RXRA: variants seen among roughly 807,000 people sequenced by gnomAD.
The protein encoded by RXRA is retinoic acid receptor RXR-alpha.
In RXRA, 5 loss-of-function variants were observed where a neutral mutation model predicts 44.5. The ratio of observed to expected loss-of-function variants is 0.11; its 90% CI spans 0.06 to 0.24. The LOEUF (loss-of-function observed/expected upper bound fraction) is 0.24, where lower values mean the gene tolerates loss of function less well. RXRA is among the 10% of genes least tolerant of loss of function. The pLI, the probability that RXRA is intolerant of heterozygous loss-of-function variation, is 1.00. For missense variants in RXRA, 412 were observed against 646.5 expected, an observed-to-expected ratio of 0.64 and a Z score of 3.93; for synonymous variants, 291 against 271.4, an observed-to-expected ratio of 1.07 and a Z score of -0.71.
At chr9:134,411,712 C>T (rs1831151412) in intron 4 of RXRA, among the ~76,000 whole-genome samples, 1 of 152,248 alleles carries the variant, frequency 6.6e-6, no homozygotes, top group African/African-American at 2.4e-5. Flanking sequence ...GCCGAGCGCT[C>T]TCGCCCCAAA....
At chr9:134,356,130 C>T (rs1404498980) in intron 1 of RXRA, among the ~76,000 whole-genome samples, 8 of 152,194 alleles carry the variant, frequency 5.3e-5, no homozygotes, top group Non-Finnish European at 1.2e-4. Context: ...CTGGCATGTC[C>T]TTCCCTCCTG....
intron 5 of RXRA, among the ~76,000 whole-genome samples, chr9:134,418,112 TCCTAC>T (rs1831270933): frequency 6.6e-6 from 1 of 152,086 alleles, no homozygotes; most frequent in South Asian, 2.1e-4. Context: ...TCTGAGCCCC[TCCTAC>T]CCTACCCTAA....
chr9:134,354,596 C>T (rs1340648732), intron 1 of RXRA, among the ~76,000 whole-genome samples: 2 of 152,340 alleles, frequency 1.3e-5, no homozygotes, highest in Middle Eastern at 3.4e-3. Flanking sequence ...TGCCTGGGCA[C>T]CAGGGCTCCC....
intron 1 of RXRA, among the ~76,000 whole-genome samples, chr9:134,384,687 C>A (rs558445792): frequency 6.6e-6 from 1 of 152,270 alleles, no homozygotes; most frequent in African/African-American, 2.4e-5. Context: ...GGCCGTCACC[C>A]GGTCGGCCTG....
chr9:134,368,894 T>TTG (rs1473131854), intron 1 of RXRA, among the ~76,000 whole-genome samples: 2 of 64,410 alleles, frequency 3.1e-5, no homozygotes, highest in Admixed American at 1.8e-4. Context: ...AGTGCAGGGG[T>TTG]TATGTGTGTG....
intron 1 of RXRA, among the ~76,000 whole-genome samples, chr9:134,400,219 C>T (rs570332643): frequency 6.6e-6 from 1 of 152,194 alleles, no homozygotes; most frequent in Admixed American, 6.5e-5. Context: ...CCCAGGGCTT[C>T]CTCCCGCTCT....
At chr9:134,418,557 C>T (rs757193058) in intron 5 of RXRA, among the ~76,000 whole-genome samples, 6 of 152,208 alleles carry the variant, frequency 3.9e-5, no homozygotes, top group South Asian at 2.1e-4. Flanking sequence ...CCAGGGCCTT[C>T]GTGCTTGCAG....
At chr9:134,337,442 C>T (rs1430753158) in intron 1 of RXRA, among the ~76,000 whole-genome samples, 1 of 152,200 alleles carries the variant, frequency 6.6e-6, no homozygotes, top group African/African-American at 2.4e-5. Context: ...TGGGATGGAC[C>T]CCAGTGCTGC....
In RXRA at chr9:134,426,064, A is replaced by G. The variant is rs1465541558; in HGVS notation, c.911-3044A>G. ...AGGCCCTGAGCGTTTGGGCAGGGCC[A>G]CGAGGGATCTGCAGGAGTAAGTTCC... On this transcript the variant is annotated intron_variant, in intron 6 of 9. Transcript: ENST00000481739. This position sits in a 1 kb window ranked among gnomAD's most constrained non-coding sequence, Gnocchi z 4.6. 2.0e-6 allele frequency: 2 copies of G among 985,300 alleles called. No individual in the cohort carries two copies. Among genetic ancestry groups the G allele is most frequent in the African/African-American group, 3.5e-5 (2 of 57,230 alleles). The allele number at this position is 985,300 out of a possible 1,614,324, so 61.0% of individuals were successfully genotyped here.
At chr9:134,388,434 C>T (rs982298767) in intron 1 of RXRA, among the ~76,000 whole-genome samples, 1 of 152,188 alleles carries the variant, frequency 6.6e-6, no homozygotes, top group African/African-American at 2.4e-5. Flanking sequence ...GTTCTGCTCT[C>T]ACGCAGGAGT....
intron 6 of RXRA, chr9:134,425,771 G>A (rs1258820111): frequency 2.0e-6 from 2 of 985,266 alleles, no homozygotes; most frequent in African/African-American, 1.7e-5. Flanking sequence ...CCCTGGGACG[G>A]GATCCCCATC....
At position 134,349,956 on chromosome 9, in the gene RXRA, C is replaced by G. The variant is rs1015436095; in HGVS notation, c.28+23297C>G. On this transcript the variant is annotated intron_variant, in intron 1 of 9. Transcript: ENST00000481739. The surrounding 1 kb of genome is among the most constrained non-coding windows in gnomAD (Gnocchi z 4.3). ...TGGCTGCAGCTGGTGTCTGGAGGTC[C>G]CCAGGCACTGCTGGGACCCCTTCCC... 5.3e-5 allele frequency among the ~76,000 whole-genome samples: 8 copies of G among 152,140 alleles called. No individual in the cohort carries two copies. The highest frequency in any genetic ancestry group is 8.8e-5 in the Non-Finnish European group (6 of 68,006).
intron 6 of RXRA, chr9:134,423,198 G>A (rs74609826): frequency 0.012 from 12,037 of 985,444 alleles, 79 homozygotes; most frequent in Non-Finnish European, 0.014. Flanking sequence ...CAGGCTGTTA[G>A]TGGAGTTTCC....
intron 4 of RXRA, among the ~76,000 whole-genome samples, chr9:134,414,376 G>A (rs190146412): frequency 3.3e-5 from 5 of 152,246 alleles, no homozygotes; most frequent in Admixed American, 6.5e-5. Context: ...GGGCTGGCGC[G>A]TGGGGTGGGA....
intron 1 of RXRA, among the ~76,000 whole-genome samples, chr9:134,381,654 G>A (rs1307907436): frequency 6.6e-6 from 1 of 152,134 alleles, no homozygotes; most frequent in East Asian, 1.9e-4. Flanking sequence ...CTGGCCTTGA[G>A]GGATCTGGCC....
At chr9:134,422,457 C>T in intron 6 of RXRA, 5 of 1,264,708 alleles carry the variant, frequency 4.0e-6, no homozygotes, top group Non-Finnish European at 5.1e-6. Flanking sequence ...CTCCCTACTC[C>T]CGGGACACAC....
chr9:134,349,046 G>T lies in RXRA; in HGVS notation c.28+22387G>T, dbSNP rs755992655. 1.3e-5 allele frequency among the ~76,000 whole-genome samples: 2 copies of T among 152,210 alleles called. No individual in the cohort carries two copies. The highest frequency in any genetic ancestry group is 2.9e-5 in the Non-Finnish European group (2 of 68,044). ...CACTTGCAGTGAAGGGCTGGTCCCC[G>T]CTGAGAAGGCTGGTGATGCATGGTG... On this transcript the variant is annotated intron_variant, in intron 1 of 9. Transcript: ENST00000481739. The surrounding 1 kb of genome is among the most constrained non-coding windows in gnomAD (Gnocchi z 4.3).
chr9:134,353,205 A>G (rs1332191919), intron 1 of RXRA, among the ~76,000 whole-genome samples: 10 of 151,968 alleles, frequency 6.6e-5, no homozygotes, highest in African/African-American at 2.4e-4. Context: ...AACAAGAGCA[A>G]ACAGCAAATT....
intron 1 of RXRA, among the ~76,000 whole-genome samples, chr9:134,364,974 C>A (rs903308192): frequency 6.6e-6 from 1 of 152,244 alleles, no homozygotes; most frequent in Non-Finnish European, 1.5e-5. Context: ...TGCTTACCTG[C>A]CCTCTTACTT....
Sources: allele counts gnomAD v4.1 joint callset (sites outside exome capture counted in the v4.1 genomes callset), GRCh38; gene constraint gnomAD v4.1.1; non-coding constraint Gnocchi (gnomAD v3.1); transcripts MANE v1.5; gene names NCBI Gene and HGNC (gene_info 2026-07-23, HGNC 2026-07-21).